ABCC6: variants seen among roughly 807,000 people sequenced by gnomAD.
ABCC6 encodes ATP-binding cassette sub-family C member 6.
Under a neutral mutation model 169.5 loss-of-function variants are expected in ABCC6, and 126 were observed. The ratio of observed to expected loss-of-function variants is 0.74; its 90% CI spans 0.64 to 0.86. The LOEUF is 0.86. Ranked by LOEUF, ABCC6 falls within the 40% of genes least tolerant of loss-of-function variation. ABCC6 has a pLI of 0.00. For synonymous variants in ABCC6, 752 were observed against 814.7 expected (o/e 0.92, Z 1.31); for missense variants, 1,733 against 1,927.2 (o/e 0.90, Z 1.89).
intron 22 of ABCC6, among the ~76,000 whole-genome samples, chr16:16,169,224 G>A (rs1458872894): frequency 6.6e-6 from 1 of 152,196 alleles, no homozygotes; most frequent in African/African-American, 2.4e-5. Flanking sequence ...CAAGGTAGCT[G>A]GCTGCCTTAT....
intron 10 of ABCC6, 96 bp downstream of exon 10, chr16:16,197,925 A>T: frequency 7.3e-7 from 1 of 1,370,286 alleles, no homozygotes; most frequent in Non-Finnish European, 1.0e-6. Flanking sequence ...CTTGAATGCT[A>T]AGTCAGGAGG....
Position 16,212,243 on chromosome 16 carries a change from G to C in ABCC6, c.604C>G (p.Pro202Ala). 1 of 855,896 alleles carries C rather than the reference G, an allele frequency of 1.2e-6. No individual in the cohort carries two copies. The highest frequency in any genetic ancestry group is 2.0e-6 in the Non-Finnish European group (1 of 505,406). The allele number at this position is 855,896 out of a possible 1,614,324, so 53.0% of individuals were successfully genotyped here. A position where few individuals can be genotyped will look rare whatever the true frequency, so the allele number is the denominator to read the frequency against. Residue 202 changes from proline to alanine, a missense_variant, in exon 6 of 31, where the codon CCC (proline) becomes GCC (alanine). Transcript: ENST00000205557. ...FFPEDPQQSNPCPETGAAFPS... is the reference protein window; with the variant it reads ...FFPEDPQQSNACPETGAAFPS... ...AAGGCTGCCCCAGTCTCTGGACAGG[G>C]GTTCTGCAACAGACAAAAATGGAGA...
chr16:16,180,393 G>A (rs1445909778), intron 17 of ABCC6, among the ~76,000 whole-genome samples: 1 of 152,170 alleles, frequency 6.6e-6, no homozygotes, highest in African/African-American at 2.4e-5. Context: ...AAATATACAA[G>A]TAAATGATCA....
At chr16:16,193,345 A>T (rs1003413054) in intron 10 of ABCC6, among the ~76,000 whole-genome samples, 2 of 152,142 alleles carry the variant, frequency 1.3e-5, no homozygotes, top group Non-Finnish European at 2.9e-5. Context: ...TAACCATAAA[A>T]ATGGGCAACC....
chr16:16,216,221 C>A (rs878966271), intron 4 of ABCC6, among the ~76,000 whole-genome samples: 2 of 152,168 alleles, frequency 1.3e-5, no homozygotes, highest in Admixed American at 6.5e-5. Flanking sequence ...TGTGTCCAGC[C>A]TCTTTTAGTT....
chr16:16,185,033 A>G lies in ABCC6; in HGVS notation c.1869T>C (p.Ala623=). 6.2e-7 allele frequency: 1 copy of G among 1,613,356 alleles called. No individual in the cohort carries two copies. Among genetic ancestry groups the G allele is most frequent in the East Asian group, 2.2e-5 (1 of 44,878 alleles). The change falls in exon 15 of 31, where the codon GCT becomes GCC. Residue 623 remains alanine (A), a splice_region_variant and synonymous_variant. Transcript: ENST00000205557. The part of the protein sequence containing the change: ...GVVDSSSSGS[A]AGKDCITIHS... ...GTATGGTGATGCAATCCTTCCCGGC[A>G]GCTGCAGGGCACAAGAGGCCATTTA...
intron 10 of ABCC6, among the ~76,000 whole-genome samples, chr16:16,196,370 A>T (rs893742431): frequency 6.6e-6 from 1 of 152,198 alleles, no homozygotes; most frequent in Non-Finnish European, 1.5e-5. Flanking sequence ...GCAGAGATGA[A>T]TATTTGCAGG....
chr16:16,164,182 C>T lies in ABCC6; in HGVS notation c.3307-990G>A, dbSNP rs117905271. Among the ~76,000 whole-genome samples, 1,154 of 152,128 alleles carry T rather than the reference C, an allele frequency of 7.6e-3. 10 individuals carry two copies. The highest frequency in any genetic ancestry group is 0.013 in the Non-Finnish European group (913 of 67,990). ...CCAAGAAGCTGGGATTACAAGCATG[C>T]GCCACCACACTGGCTAAATTTTTGT... is the stretch of plus-strand genomic sequence containing the variant. On this transcript the variant is annotated intron_variant, in intron 23 of 30. Coordinates refer to ENST00000205557, the MANE Select transcript of ABCC6 (RefSeq NM_001171.6).
At chr16:16,213,370 A>G (rs1399846029) in intron 5 of ABCC6, among the ~76,000 whole-genome samples, 1 of 151,970 alleles carries the variant, frequency 6.6e-6, no homozygotes, top group Non-Finnish European at 1.5e-5. Flanking sequence ...TGTTGAGATT[A>G]CAGGCATGAT....
chr16:16,191,173 T>TG (rs1348580997), intron 11 of ABCC6, among the ~76,000 whole-genome samples: 3 of 152,108 alleles, frequency 2.0e-5, no homozygotes, highest in African/African-American at 7.2e-5. Context: ...TGGAGTGCAG[T>TG]GGTGTGGTCT....
At chr16:16,171,241 C>T (rs531113362) in intron 21 of ABCC6, among the ~76,000 whole-genome samples, 2 of 151,958 alleles carry the variant, frequency 1.3e-5, no homozygotes, top group South Asian at 4.2e-4. Flanking sequence ...TTTTAAGAGG[C>T]AGGGTCTCAC....
At chr16:16,180,345 A>G (rs2047426332) in intron 17 of ABCC6, among the ~76,000 whole-genome samples, 2 of 152,170 alleles carry the variant, frequency 1.3e-5, no homozygotes, top group Non-Finnish European at 2.9e-5. Context: ...TATCTTTTGT[A>G]TTGCGAACAC....
rs1324897274 is a variant in ABCC6, at chr16:16,190,352, G to A, written c.1447C>T (p.Gln483Ter). 1 of 1,614,150 alleles carries A rather than the reference G, an allele frequency of 6.2e-7. No individual in the cohort carries two copies. The highest frequency in any genetic ancestry group is 8.5e-7 in the Non-Finnish European group (1 of 1,180,042). ...RNHHQEEQMRQKDSRARLTSS... is the reference protein window; with the variant it reads ...RNHHQEEQMR ...GTGAGCCGTGCCCGTGAGTCCTTCT[G>A]CCTCATTTGCTCCTCCTGGGATCGG... is the stretch of plus-strand genomic sequence containing the variant. The change falls in exon 12 of 31, where the codon CAG (glutamine) becomes TAG (stop). Residue 483 changes from glutamine to a stop codon, truncating the protein, a stop_gained. Transcript: ENST00000205557. LOFTEE classifies it high-confidence loss of function.
chr16:16,222,190 A>T (rs915892645), intron 1 of ABCC6, among the ~76,000 whole-genome samples: 3 of 151,862 alleles, frequency 2.0e-5, no homozygotes, highest in Non-Finnish European at 4.4e-5. Flanking sequence ...TAATCCTTAT[A>T]ACAACTCCAG....
chr16:16,204,567 A>G (rs1567531163), intron 7 of ABCC6, among the ~76,000 whole-genome samples: 1 of 152,150 alleles, frequency 6.6e-6, no homozygotes, highest in Non-Finnish European at 1.5e-5. Context: ...CTTTGGCTAT[A>G]ACCAGGGGCC....
intron 18 of ABCC6, among the ~76,000 whole-genome samples, chr16:16,178,308 CAG>C (rs2047352765): frequency 6.6e-6 from 1 of 151,610 alleles, no homozygotes; most frequent in Non-Finnish European, 1.5e-5. Context: ...GACTGAAAGA[CAG>C]AGCGAGACTC....
At chr16:16,186,358 C>A (rs1567508001) in intron 14 of ABCC6, among the ~76,000 whole-genome samples, 1 of 152,070 alleles carries the variant, frequency 6.6e-6, no homozygotes, top group Non-Finnish European at 1.5e-5. Flanking sequence ...GAGCAGGAGT[C>A]CTCAACCCCC....
In ABCC6 at chr16:16,154,901, AGT is replaced by A. The variant is rs1436397251; in HGVS notation, c.4011_4012del (p.Leu1338AlafsTer59). ...GGGGATGATGCTGATCCTGGAGCGC[AGT>A]GTGTGCAGCCCCACGTGGGCAATGG... On this transcript the variant is annotated frameshift_variant, in exon 28 of 31. Transcript: ENST00000205557. LOFTEE classifies it high-confidence loss of function. 1 of 1,611,664 alleles carries A rather than the reference AGT, an allele frequency of 6.2e-7. No homozygotes were observed. Among genetic ancestry groups the A allele is most frequent in the Non-Finnish European group, 8.5e-7 (1 of 1,179,150 alleles).
chr16:16,191,083 G>A lies in ABCC6; in HGVS notation c.1432-716C>T, dbSNP rs890053871. ...CAGGGTCTCCTGTGCTTCACCATGG[G>A]GCGGGGGGCATCATCAGAGGGGCAG... On this transcript the variant is annotated intron_variant, in intron 11 of 30. Coordinates refer to ENST00000205557, the MANE Select transcript of ABCC6 (RefSeq NM_001171.6). 3.2e-3 allele frequency among the ~76,000 whole-genome samples: 22 copies of A among 6,940 alleles called. 1 individual carries two copies. The highest frequency in any genetic ancestry group is 4.5e-3 in the Admixed American group (1 of 222). 4.6% of individuals were successfully genotyped at this position (6,940 alleles called of 152,430 possible).
Sources: allele counts gnomAD v4.1 joint callset (sites outside exome capture counted in the v4.1 genomes callset), GRCh38; gene constraint gnomAD v4.1.1; transcripts MANE v1.5; gene names NCBI Gene and HGNC (gene_info 2026-07-23, HGNC 2026-07-21).